The following TMPRSS6 variants were observed in gnomAD, a reference collection of about 807,000 sequenced individuals.
TMPRSS6 encodes transmembrane protease serine 6.
TMPRSS6 carries 67 observed loss-of-function variants against 101.5 expected under a neutral mutation model. The ratio of observed to expected loss-of-function variants is 0.66; its 90% confidence interval spans 0.54 to 0.81. TMPRSS6 has a LOEUF of 0.81. Among genes scored for constraint, TMPRSS6 ranks in the 30% least tolerant of loss-of-function variants. The pLI, the probability that TMPRSS6 is intolerant of heterozygous loss-of-function variation, is 0.00. For missense variants in TMPRSS6, 1,034 were observed against 1,088.7 expected, an observed-to-expected ratio of 0.95 and a Z score of 0.71; for synonymous variants, 453 against 464.9, an observed-to-expected ratio of 0.97 and a Z score of 0.33.
At chr22:37,072,169 G>A (rs1373480077) in intron 13 of TMPRSS6, among the ~76,000 whole-genome samples, 18 of 148,828 alleles carry the variant, frequency 1.2e-4, no homozygotes, top group Admixed American at 9.4e-4. Context: ...GATGATGGAT[G>A]AACGGATGAT....
intron 6 of TMPRSS6, among the ~76,000 whole-genome samples, chr22:37,094,451 A>G: frequency 6.6e-6 from 1 of 152,098 alleles, no homozygotes; most frequent in East Asian, 1.9e-4. Context: ...CTAGCTAGCT[A>G]GACAGACAGA....
intron 16 of TMPRSS6, chr22:37,068,507 G>T: frequency 1.4e-6 from 1 of 731,682 alleles, no homozygotes; most frequent in Non-Finnish European, 2.5e-6. Context: ...AACGTAGAAA[G>T]GGGAGAGACC....
chr22:37,103,712 G>A lies in TMPRSS6; in HGVS notation c.-1-294C>T, dbSNP rs1930531913. The A allele has an allele frequency of 1.1e-6, 1 of 880,464 alleles. No individual in the cohort carries two copies. Among genetic ancestry groups the A allele is most frequent in the Non-Finnish European group, 1.8e-6 (1 of 547,634 alleles). The allele number at this position is 880,464 out of a possible 1,614,324, so 54.5% of individuals were successfully genotyped here. A position where few individuals can be genotyped will look rare whatever the true frequency, so the allele number is the denominator to read the frequency against. On this transcript the variant is annotated intron_variant, in intron 1 of 17. Coordinates refer to ENST00000676104, the MANE Select transcript of TMPRSS6 (RefSeq NM_001374504.1). The surrounding 1 kb of genome is among the most constrained non-coding windows in gnomAD (Gnocchi z 4.4). ...GGTCAGAGGACAGACGGAGGTCTCA[G>A]TACCTAAACACCCACCTCCCTAGAG...
chr22:37,108,681 C>T (rs1255629755), intron 1 of TMPRSS6, among the ~76,000 whole-genome samples: 3 of 152,218 alleles, frequency 2.0e-5, no homozygotes, highest in Admixed American at 6.5e-5. Context: ...GCTGCAAACT[C>T]CACTGCAGCC....
chr22:37,104,478 C>T (rs1930587180), intron 1 of TMPRSS6, among the ~76,000 whole-genome samples: 1 of 152,170 alleles, frequency 6.6e-6, no homozygotes, highest in South Asian at 2.1e-4. Context: ...TCGCCCCTCT[C>T]CACGCTCCAG....
chr22:37,071,166 C>A, intron 13 of TMPRSS6, 134 bp from the exon 14 acceptor site: 1 of 782,044 alleles, frequency 1.3e-6, no homozygotes, highest in Non-Finnish European at 2.1e-6. Context: ...CCTGAGTCTC[C>A]TTTAGGGTCT....
Position 37,086,282 on chromosome 22 carries a change from C to A in TMPRSS6, c.973+1G>T. On this transcript the variant is annotated splice_donor_variant, in intron 8 of 17. Transcript: ENST00000676104. LOFTEE classifies it high-confidence loss of function. ...TGCCCCAGGGACCCCTGACCTCTCACCCTGGAAGACCACCGGCTGCACGGA... is the reference window on the plus strand; with the variant it reads ...TGCCCCAGGGACCCCTGACCTCTCAACCTGGAAGACCACCGGCTGCACGGA... The A allele has an allele frequency of 6.2e-7, 1 of 1,614,080 alleles. No homozygotes were observed. The highest frequency in any genetic ancestry group is 8.5e-7 in the Non-Finnish European group (1 of 1,179,992).
chr22:37,085,825 G>A (rs999700160), intron 8 of TMPRSS6, among the ~76,000 whole-genome samples: 4 of 152,054 alleles, frequency 2.6e-5, no homozygotes, highest in South Asian at 2.1e-4. Flanking sequence ...TGTCTAGGGC[G>A]GAATCCAAGG....
rs765356650 is a variant in TMPRSS6, at chr22:37,084,384, G to A, written c.1107C>T (p.Gly369=). Reference sequence around the variant, plus strand: ...CATAGGCATCAAACCAGAGGGCCAAGCCGTAGTCCAGAGAGGGCACCTGGG... The same window carrying A: ...CATAGGCATCAAACCAGAGGGCCAAACCGTAGTCCAGAGAGGGCACCTGGG... ...WHLTVPSLDY[G]LALWFDAYAL... Residue 369 remains glycine, a synonymous_variant, in exon 10 of 18, where the codon GGC becomes GGT. Transcript: ENST00000676104. The A allele has an allele frequency of 6.2e-7, 1 of 1,612,678 alleles. No individual in the cohort carries two copies. The highest frequency in any genetic ancestry group is 8.5e-7 in the Non-Finnish European group (1 of 1,179,332).
intron 16 of TMPRSS6, chr22:37,068,514 G>C (rs764792286): frequency 1.3e-6 from 1 of 746,926 alleles, no homozygotes; most frequent in Non-Finnish European, 2.5e-6. Context: ...AAAGGGGAGA[G>C]ACCCTGTTTC....
At chr22:37,078,773 A>G (rs855785) in intron 10 of TMPRSS6, among the ~76,000 whole-genome samples, 91,251 of 144,376 alleles carry the variant, frequency 0.63, 30,038 homozygotes, top group African/African-American at 0.85. Flanking sequence ...GAATGAGGAG[A>G]AGGAGGAGGA....
At chr22:37,100,855 A>G (rs1930257235) in intron 2 of TMPRSS6, among the ~76,000 whole-genome samples, 1 of 152,214 alleles carries the variant, frequency 6.6e-6, no homozygotes, top group Admixed American at 6.5e-5. Flanking sequence ...GGGACACAGA[A>G]AAAGCAACCT....
chr22:37,086,465 G>C, intron 7 of TMPRSS6, 46 bp from the exon 8 acceptor site: 1 of 1,551,900 alleles, frequency 6.4e-7, no homozygotes, highest in Non-Finnish European at 8.7e-7. Context: ...GTCTGGGAGG[G>C]GAGTGGCAGG....
rs73160067 is a variant in TMPRSS6, at chr22:37,094,532, A to G, written c.631+1019T>C. On this transcript the variant is annotated intron_variant, in intron 6 of 17. Transcript: ENST00000676104. Reference sequence around the variant, plus strand: ...TAACTAGATAGACAAGCAGACAGATATCAACAGAGATGATAGATAGATAGA... The same window carrying G: ...TAACTAGATAGACAAGCAGACAGATGTCAACAGAGATGATAGATAGATAGA... 9.9e-3 allele frequency among the ~76,000 whole-genome samples: 1,059 copies of G among 107,066 alleles called. 7 individuals are homozygous for G. The highest frequency in any genetic ancestry group is 0.016 in the Non-Finnish European group (821 of 52,566). 70.2% of individuals were successfully genotyped at this position (107,066 alleles called of 152,430 possible).
chr22:37,096,052 T>A lies in TMPRSS6; in HGVS notation c.443A>T (p.Gln148Leu). Residue 148 changes from glutamine (Q) to leucine (L), a missense_variant, in exon 5 of 18, where the codon CAA (glutamine) becomes CTA (leucine). Transcript: ENST00000676104. ...CATCAGCCGGCGGTGCTCGGGGATTTGGAGAATGAACCAGAAGAAGCAGGT... is the reference window on the plus strand; with the variant it reads ...CATCAGCCGGCGGTGCTCGGGGATTAGGAGAATGAACCAGAAGAAGCAGGT... ...PLTCFFWFIL[Q>L]IPEHRRLMLS... The A allele has an allele frequency of 6.2e-7, 1 of 1,614,106 alleles. No homozygotes were observed. Among genetic ancestry groups the A allele is most frequent in the Non-Finnish European group, 8.5e-7 (1 of 1,180,010 alleles).
intron 10 of TMPRSS6, among the ~76,000 whole-genome samples, chr22:37,078,419 G>A (rs1453103714): frequency 1.3e-5 from 2 of 152,090 alleles, no homozygotes; most frequent in South Asian, 2.1e-4. Flanking sequence ...GGGCCTCACC[G>A]TGTACCCGGG....
At position 37,103,845 on chromosome 22, in the gene TMPRSS6, G is replaced by C. The variant is rs2146191096; in HGVS notation, c.-1-427C>G. ...GCAAGGAATGCTGTTTCTTGCTCCTGGTTCTGGTTCACGGAGCTTCCCACC... is the reference window on the plus strand; with the variant it reads ...GCAAGGAATGCTGTTTCTTGCTCCTCGTTCTGGTTCACGGAGCTTCCCACC... On this transcript the variant is annotated intron_variant, in intron 1 of 17. Coordinates refer to ENST00000676104, the MANE Select transcript of TMPRSS6 (RefSeq NM_001374504.1). This position sits in a 1 kb window ranked among gnomAD's most constrained non-coding sequence, Gnocchi z 4.4. 6.6e-6 allele frequency among the ~76,000 whole-genome samples: 1 copy of C among 152,244 alleles called. No individual in the cohort carries two copies. The highest frequency in any genetic ancestry group is 3.4e-3 in the Middle Eastern group (1 of 294).
At chr22:37,087,545 C>T (rs1247450171) in intron 7 of TMPRSS6, among the ~76,000 whole-genome samples, 1 of 152,120 alleles carries the variant, frequency 6.6e-6, no homozygotes, top group Non-Finnish European at 1.5e-5. Flanking sequence ...CCCCTGGCCT[C>T]TTGCCAGGGG....
In TMPRSS6 at chr22:37,089,623, G is replaced by T; in HGVS notation, c.791C>A (p.Ala264Asp). ...WTLAECRDRL[A>D]MYDVAGPLEK... is the part of the protein sequence containing the mutation. ...CAGGGGCCCGGCCACGTCATACATG[G>T]CCAGTCGGTCCCGGCACTCTGCCAG... is the stretch of plus-strand genomic sequence containing the variant. Residue 264 changes from alanine to aspartate, a missense_variant, in exon 7 of 18, where the codon GCC becomes GAC. Physicochemically the swap from Ala to Asp is moderately radical, Grantham distance 126. Coordinates refer to ENST00000676104, the MANE Select transcript of TMPRSS6 (RefSeq NM_001374504.1). 1 of 1,612,738 alleles carries T rather than the reference G, an allele frequency of 6.2e-7. No individual in the cohort carries two copies. The highest frequency in any genetic ancestry group is 8.5e-7 in the Non-Finnish European group (1 of 1,179,698).
Sources: allele counts gnomAD v4.1 joint callset (sites outside exome capture counted in the v4.1 genomes callset), GRCh38; gene constraint gnomAD v4.1.1; non-coding constraint Gnocchi (gnomAD v3.1); transcripts MANE v1.5; gene names NCBI Gene and HGNC (gene_info 2026-07-23, HGNC 2026-07-21).